Variants in UBAC2 observed in about 807,000 individuals in gnomAD.
UBAC2 encodes the protein ubiquitin-associated domain-containing protein 2.
UBAC2 carries 26 observed loss-of-function variants against 44.0 expected under a neutral mutation model. The ratio of observed to expected loss-of-function variants is 0.59; its 90% CI spans 0.43 to 0.82. The LOEUF (loss-of-function observed/expected upper bound fraction) is 0.82. Ranked by LOEUF, UBAC2 falls within the 40% of genes least tolerant of loss-of-function variation. The pLI, the probability that UBAC2 is intolerant of heterozygous loss-of-function variation, is 0.00. For synonymous variants in UBAC2, 155 were observed against 154.3 expected (o/e 1.00, Z -0.04); for missense variants, 329 against 419.4 (o/e 0.78, Z 1.88).
intron 1 of UBAC2, among the ~76,000 whole-genome samples, chr13:99,228,237 C>T (rs2043133046): frequency 6.6e-6 from 1 of 152,106 alleles, no homozygotes; most frequent in Non-Finnish European, 1.5e-5. Context: ...ATGGGGGAAG[C>T]CCGGGGTGTT....
chr13:99,291,034 G>A (rs991303199), intron 4 of UBAC2, among the ~76,000 whole-genome samples: 4 of 152,320 alleles, frequency 2.6e-5, no homozygotes, highest in Non-Finnish European at 4.4e-5. Context: ...TTCAGTAAGT[G>A]GTGGCATGAA....
chr13:99,207,732 T>C (rs2042889062), intron 1 of UBAC2, among the ~76,000 whole-genome samples: 1 of 152,164 alleles, frequency 6.6e-6, no homozygotes, highest in Non-Finnish European at 1.5e-5. Flanking sequence ...ACTGTAGAGC[T>C]GGGTGAGCCC....
chr13:99,252,800 A>G (rs1241681748), intron 4 of UBAC2, among the ~76,000 whole-genome samples: 1 of 152,124 alleles, frequency 6.6e-6, no homozygotes. Context: ...TATAATTTAA[A>G]TTATTTACAG....
At chr13:99,250,242 G>A (rs2043441029) in intron 4 of UBAC2, among the ~76,000 whole-genome samples, 1 of 152,140 alleles carries the variant, frequency 6.6e-6, no homozygotes. Flanking sequence ...TTTGTATGTG[G>A]TGCAAGGTAG....
At chr13:99,252,274 A>C (rs534523643) in intron 4 of UBAC2, among the ~76,000 whole-genome samples, 2 of 152,370 alleles carry the variant, frequency 1.3e-5, no homozygotes, top group Non-Finnish European at 2.9e-5. Flanking sequence ...AGTATTTATT[A>C]TATTACGTTG....
At chr13:99,237,269 T>TACAACAC (rs1345943442) in intron 1 of UBAC2, among the ~76,000 whole-genome samples, 2 of 122,720 alleles carry the variant, frequency 1.6e-5, no homozygotes, top group Non-Finnish European at 3.6e-5. Context: ...TATATATATA[T>TACAACAC]ATACACACAC....
At chr13:99,274,882 T>G (rs2138672547) in intron 4 of UBAC2, among the ~76,000 whole-genome samples, 1 of 152,108 alleles carries the variant, frequency 6.6e-6, no homozygotes, top group East Asian at 1.9e-4. Flanking sequence ...CACTCCCAGC[T>G]AATTTTTGTA....
chr13:99,269,615 G>C (rs983853554), intron 4 of UBAC2, among the ~76,000 whole-genome samples: 3 of 152,158 alleles, frequency 2.0e-5, no homozygotes, highest in African/African-American at 7.2e-5. Flanking sequence ...ATTAAGGTAA[G>C]AGCTAAATAA....
chr13:99,230,875 C>T (rs1427813476), intron 1 of UBAC2, among the ~76,000 whole-genome samples: 1 of 152,082 alleles, frequency 6.6e-6, no homozygotes, highest in Non-Finnish European at 1.5e-5. Flanking sequence ...ATGGTGAAAT[C>T]CCATTTCTAG....
At chr13:99,216,215 C>T (rs1399234797) in intron 1 of UBAC2, among the ~76,000 whole-genome samples, 2 of 151,940 alleles carry the variant, frequency 1.3e-5, no homozygotes, top group African/African-American at 4.8e-5. Context: ...GGTTCTCATT[C>T]CTCAGCCTCC....
chr13:99,326,384 A>G (rs1455109727), intron 6 of UBAC2, among the ~76,000 whole-genome samples: 1 of 152,110 alleles, frequency 6.6e-6, no homozygotes, highest in African/African-American at 2.4e-5. Context: ...TTTTAAAACT[A>G]GGTTATTAGT....
chr13:99,326,710 C>G (rs1366545852), intron 6 of UBAC2, among the ~76,000 whole-genome samples: 1 of 152,032 alleles, frequency 6.6e-6, no homozygotes, highest in Admixed American at 6.6e-5. Flanking sequence ...GTGGTAGAAC[C>G]AGGACAAAGG....
At chr13:99,214,356 T>C (rs1329912847) in intron 1 of UBAC2, among the ~76,000 whole-genome samples, 2 of 152,018 alleles carry the variant, frequency 1.3e-5, no homozygotes, top group Admixed American at 6.6e-5. Flanking sequence ...AAGTACCTAG[T>C]GTGGGTTTCC....
chr13:99,376,210 A>G (rs992241735), intron 8 of UBAC2, among the ~76,000 whole-genome samples: 13 of 152,288 alleles, frequency 8.5e-5, no homozygotes, highest in African/African-American at 3.1e-4. Flanking sequence ...CCTTTGGAAC[A>G]TTGTCAGGTG....
intron 4 of UBAC2, among the ~76,000 whole-genome samples, chr13:99,296,502 C>T (rs957961417): frequency 2.6e-5 from 4 of 152,162 alleles, no homozygotes; most frequent in African/African-American, 9.7e-5. Flanking sequence ...AGAAATTCCC[C>T]TTCCCTTTTT....
chr13:99,360,992 A>T (rs1262810681), intron 7 of UBAC2, among the ~76,000 whole-genome samples: 2 of 152,168 alleles, frequency 1.3e-5, no homozygotes, highest in East Asian at 3.8e-4. Flanking sequence ...TCTAATGTAG[A>T]CACTGCCTGA....
intron 7 of UBAC2, among the ~76,000 whole-genome samples, chr13:99,353,864 G>A (rs2045135067): frequency 1.3e-5 from 2 of 152,136 alleles, no homozygotes; most frequent in African/African-American, 2.4e-5. Flanking sequence ...AACCCCCAAG[G>A]TTTCAGAGCC....
rs368791023 is a variant in UBAC2 at position 99,328,213 on chromosome 13, A to C, written c.561+10144A>C. 5.9e-5 allele frequency among the ~76,000 whole-genome samples: 9 copies of C among 152,364 alleles called. No homozygotes were observed. The East Asian group carries it at 1.7e-3, about 29-fold the overall frequency. On this transcript the variant is annotated intron_variant, in intron 6 of 8. Transcript: ENST00000403766. ...AGTAACAATTAATAGATTAAGTATT[A>C]ATCTATAGTATGGATGCACCATACT...
chr13:99,270,174 C>G (rs531796109), intron 4 of UBAC2, among the ~76,000 whole-genome samples: 1 of 152,026 alleles, frequency 6.6e-6, no homozygotes, highest in Non-Finnish European at 1.5e-5. Flanking sequence ...ATTTTAACTA[C>G]GTAAGGTGAG....
Sources: gnomAD v4.1 joint callset for allele counts (sites outside exome capture counted in the v4.1 genomes callset) on GRCh38, gnomAD v4.1.1 for gene constraint, MANE v1.5 for transcripts, NCBI Gene and HGNC (gene_info 2026-07-23, HGNC 2026-07-21) for gene names.